The following PDZRN4 variants were observed in gnomAD, a reference collection of about 807,000 sequenced individuals.
PDZRN4 encodes PDZ domain-containing RING finger protein 4.
In PDZRN4, 70 loss-of-function variants were observed where a neutral mutation model predicts 99.0. That is an observed-to-expected ratio of 0.71 (90% CI 0.58 to 0.86). The LOEUF is 0.86. Ranked by LOEUF, PDZRN4 falls within the 40% of genes least tolerant of loss-of-function variation. The pLI is 0.00. For synonymous variants in PDZRN4, 551 were observed against 501.6 expected, an observed-to-expected ratio of 1.10 and a Z score of -1.32; for missense variants, 1,474 against 1,331.2, an observed-to-expected ratio of 1.11 and a Z score of -1.67.
At chr12:41,362,157 T>C (rs1318955743) in intron 3 of PDZRN4, among the ~76,000 whole-genome samples, 1 of 151,988 alleles carries the variant, frequency 6.6e-6, no homozygotes. Flanking sequence ...TCAGAAGAAG[T>C]TTTATTTTCA....
At chr12:41,349,402 G>A (rs73272698) in intron 3 of PDZRN4, among the ~76,000 whole-genome samples, 1 of 151,528 alleles carries the variant, frequency 6.6e-6, no homozygotes, top group Non-Finnish European at 1.5e-5. Context: ...TATAGTTAAA[G>A]CTTATAGTCA....
intron 3 of PDZRN4, among the ~76,000 whole-genome samples, chr12:41,363,521 CTGTT>C (rs986471859): frequency 1.3e-5 from 2 of 151,956 alleles, no homozygotes; most frequent in African/African-American, 2.4e-5. Context: ...CAGGATGTAA[CTGTT>C]TGGGATGCAT....
At chr12:41,342,160 T>C (rs1208473152) in intron 3 of PDZRN4, among the ~76,000 whole-genome samples, 5 of 151,810 alleles carry the variant, frequency 3.3e-5, no homozygotes, top group African/African-American at 1.2e-4. Context: ...AGAAGAATGA[T>C]ACTCAGCCCC....
intron 3 of PDZRN4, among the ~76,000 whole-genome samples, chr12:41,335,905 A>G (rs549765492): frequency 1.0e-3 from 153 of 152,284 alleles, no homozygotes; most frequent in African/African-American, 3.0e-3. Context: ...AATTTTAACT[A>G]TAAAAGGTCA....
chr12:41,548,680 GC>G (rs1436324831), intron 5 of PDZRN4, among the ~76,000 whole-genome samples: 1 of 152,150 alleles, frequency 6.6e-6, no homozygotes, highest in East Asian at 1.9e-4. Context: ...TGCTTAAAAA[GC>G]CAATGCTTTT....
intron 3 of PDZRN4, among the ~76,000 whole-genome samples, chr12:41,290,506 A>T (rs576134332): frequency 3.3e-5 from 5 of 152,286 alleles, no homozygotes; most frequent in Admixed American, 3.3e-4. Flanking sequence ...GTGAAAAAAA[A>T]TCACCCTTCA....
intron 3 of PDZRN4, among the ~76,000 whole-genome samples, chr12:41,419,737 T>C (rs1018076368): frequency 7.2e-5 from 11 of 152,140 alleles, no homozygotes; most frequent in Non-Finnish European, 1.5e-4. Context: ...TTAATGACTG[T>C]CAAGAAATAA....
chr12:41,367,421 A>ATTGCTTGAACCTGGGAGGCAGAGG (rs1218260365), intron 3 of PDZRN4, among the ~76,000 whole-genome samples: 1 of 152,080 alleles, frequency 6.6e-6, no homozygotes, highest in Non-Finnish European at 1.5e-5. Flanking sequence ...AGGCAGGAGA[A>ATTGCTTGAACCTGGGAGGCAGAGG]TTGCTTGAAC....
At chr12:41,309,146 G>A (rs774332854) in intron 3 of PDZRN4, among the ~76,000 whole-genome samples, 1 of 152,110 alleles carries the variant, frequency 6.6e-6, no homozygotes, top group African/African-American at 2.4e-5. Flanking sequence ...AGTAGGGAAG[G>A]CCTTCCTAAG....
intron 3 of PDZRN4, among the ~76,000 whole-genome samples, chr12:41,209,424 G>C (rs1591968642): frequency 6.6e-6 from 1 of 151,488 alleles, no homozygotes; most frequent in Non-Finnish European, 1.5e-5. Context: ...TATACATGTG[G>C]CGTGTTGGTG....
At chr12:41,365,089 T>C (rs952110830) in intron 3 of PDZRN4, among the ~76,000 whole-genome samples, 1 of 149,908 alleles carries the variant, frequency 6.7e-6, no homozygotes, top group Non-Finnish European at 1.5e-5. Flanking sequence ...AAGTCTTACA[T>C]ATTATCTAAG....
chr12:41,405,045 AT>A (rs1305824339), intron 3 of PDZRN4, among the ~76,000 whole-genome samples: 1 of 152,142 alleles, frequency 6.6e-6, no homozygotes, highest in Non-Finnish European at 1.5e-5. Flanking sequence ...CCTTCTCAAC[AT>A]TGGACTTGAC....
rs1203600841 is a variant in PDZRN4, at chr12:41,556,524, G to A, written c.1365+764G>A. On this transcript the variant is annotated intron_variant, in intron 7 of 9. Coordinates refer to ENST00000402685, the MANE Select transcript of PDZRN4 (RefSeq NM_001164595.2). ...CTTTATGTATCTAAACGTAGAAAAG[G>A]TATAGTAAAAGCATGGTATTATAAT... 2.6e-5 allele frequency among the ~76,000 whole-genome samples: 4 copies of A among 152,330 alleles called. No individual in the cohort carries two copies. The South Asian group carries it at 6.2e-4, about 24-fold the overall frequency.
At chr12:41,545,177 A>G (rs1258015088) in intron 5 of PDZRN4, among the ~76,000 whole-genome samples, 1 of 152,182 alleles carries the variant, frequency 6.6e-6, no homozygotes, top group Non-Finnish European at 1.5e-5. Flanking sequence ...CAAATTATTT[A>G]ATAGGGTGTA....
intron 3 of PDZRN4, among the ~76,000 whole-genome samples, chr12:41,426,165 T>C (rs1952534680): frequency 6.6e-6 from 1 of 152,202 alleles, no homozygotes; most frequent in South Asian, 2.1e-4. Context: ...GGACCAGACA[T>C]ATCCAAGACA....
intron 3 of PDZRN4, among the ~76,000 whole-genome samples, chr12:41,313,498 T>C (rs1018910399): frequency 6.6e-6 from 1 of 152,202 alleles, no homozygotes; most frequent in African/African-American, 2.4e-5. Context: ...CTGCTGTACC[T>C]CTGCTCATTT....
At chr12:41,571,368 TCTCTCTCTCACA>T (rs756263795) in intron 9 of PDZRN4, among the ~76,000 whole-genome samples, 2,090 of 96,600 alleles carry the variant, frequency 0.022, 20 homozygotes, top group African/African-American at 0.062. Flanking sequence ...TCTCTCTCTC[TCTCTCTCTCACA>T]CACACACACA....
intron 3 of PDZRN4, chr12:41,437,994 T>A: frequency 6.2e-7 from 1 of 1,614,118 alleles, no homozygotes; most frequent in Non-Finnish European, 8.5e-7. Flanking sequence ...CACTACAAAC[T>A]GCTGTATGAA....
chr12:41,471,464 T>G, intron 3 of PDZRN4, among the ~76,000 whole-genome samples: 1 of 151,702 alleles, frequency 6.6e-6, no homozygotes, highest in East Asian at 1.9e-4. Flanking sequence ...GAGAGGATGA[T>G]TCTATCTATT....
Sources: allele counts gnomAD v4.1 joint callset (sites outside exome capture counted in the v4.1 genomes callset), GRCh38; gene constraint gnomAD v4.1.1; transcripts MANE v1.5; gene names NCBI Gene and HGNC (gene_info 2026-07-23, HGNC 2026-07-21).